SLC35F4: variants seen among roughly 807,000 people sequenced by gnomAD.
SLC35F4 encodes chromosome 14 open reading frame 36.
Under a neutral mutation model 44.2 loss-of-function variants are expected in SLC35F4, and 24 were observed. The ratio of observed to expected loss-of-function variants is 0.54; its 90% CI spans 0.39 to 0.76. The LOEUF (loss-of-function observed/expected upper bound fraction) is 0.76, where lower values mean the gene tolerates loss of function less well. Among genes scored for constraint, SLC35F4 ranks in the 30% least tolerant of loss-of-function variants. The pLI is 0.00. For synonymous variants in SLC35F4, 238 were observed against 223.6 expected (o/e 1.06, Z -0.57); for missense variants, 562 against 586.1 (o/e 0.96, Z 0.42).
At chr14:57,646,346 T>A (rs2073514006) in intron 1 of SLC35F4, among the ~76,000 whole-genome samples, 1 of 152,206 alleles carries the variant, frequency 6.6e-6, no homozygotes, top group Non-Finnish European at 1.5e-5. Context: ...CCTGGTTTAG[T>A]CTTGGGAGGG....
At chr14:57,855,090 C>T (rs191109614) in intron 1 of SLC35F4, among the ~76,000 whole-genome samples, 27 of 152,294 alleles carry the variant, frequency 1.8e-4, no homozygotes, top group Admixed American at 3.3e-4. Flanking sequence ...ATAACAGCTT[C>T]CATACATTGA....
chr14:57,824,417 A>G (rs1188775049), intron 1 of SLC35F4, among the ~76,000 whole-genome samples: 2 of 150,356 alleles, frequency 1.3e-5, no homozygotes, highest in African/African-American at 2.5e-5. Flanking sequence ...AGATAGATAG[A>G]TAGATACATA....
At chr14:57,640,130 A>G in intron 1 of SLC35F4, among the ~76,000 whole-genome samples, 1 of 151,980 alleles carries the variant, frequency 6.6e-6, no homozygotes, top group East Asian at 1.9e-4. Flanking sequence ...AGAGAGGGTT[A>G]AAGTTTCTCT....
chr14:57,777,179 C>G (rs111947194), intron 1 of SLC35F4, among the ~76,000 whole-genome samples: 4,684 of 152,224 alleles, frequency 0.031, 247 homozygotes, highest in African/African-American at 0.11. Flanking sequence ...ACTGTTGGTG[C>G]GAGTGTAAAC....
intron 1 of SLC35F4, among the ~76,000 whole-genome samples, chr14:57,600,896 AG>A (rs1202165659): frequency 6.6e-6 from 1 of 151,992 alleles, no homozygotes; most frequent in East Asian, 1.9e-4. Context: ...ATCTGGTTTA[AG>A]GGTTACCCTT....
intron 1 of SLC35F4, among the ~76,000 whole-genome samples, chr14:57,904,626 T>C (rs1299230194): frequency 1.3e-5 from 2 of 152,218 alleles, no homozygotes; most frequent in African/African-American, 4.8e-5. Context: ...TTGACACTAT[T>C]AGGATTTTCT....
intron 1 of SLC35F4, among the ~76,000 whole-genome samples, chr14:57,788,537 T>C (rs2140788357): frequency 6.6e-6 from 1 of 152,224 alleles, no homozygotes; most frequent in Middle Eastern, 3.4e-3. Flanking sequence ...TCTCAATAAA[T>C]TTAAGGAAAT....
downstream of SLC35F4, among the ~76,000 whole-genome samples, chr14:57,976,488 C>G (rs1211348588): frequency 6.6e-6 from 1 of 152,146 alleles, no homozygotes; most frequent in Non-Finnish European, 1.5e-5. Flanking sequence ...CCACACCTAG[C>G]CAAGATAATA....
chr14:57,624,278 T>C (rs1054111249), intron 1 of SLC35F4, among the ~76,000 whole-genome samples: 1 of 152,116 alleles, frequency 6.6e-6, no homozygotes, highest in African/African-American at 2.4e-5. Flanking sequence ...AGTAGACCAA[T>C]AACAAGTTCT....
intron 1 of SLC35F4, among the ~76,000 whole-genome samples, chr14:57,840,831 T>C (rs147329907): frequency 2.7e-4 from 41 of 152,336 alleles, no homozygotes; most frequent in African/African-American, 8.9e-4. Flanking sequence ...TTTTAAGCCA[T>C]GGTTATTAAT....
intron 1 of SLC35F4, among the ~76,000 whole-genome samples, chr14:57,713,889 GT>G (rs1333066979): frequency 6.6e-6 from 1 of 152,164 alleles, no homozygotes; most frequent in Non-Finnish European, 1.5e-5. Flanking sequence ...TCGAACTGCT[GT>G]TGTTGTAGCC....
chr14:57,671,603 C>A (rs1594762369), intron 1 of SLC35F4, among the ~76,000 whole-genome samples: 1 of 151,868 alleles, frequency 6.6e-6, no homozygotes, highest in Non-Finnish European at 1.5e-5. Flanking sequence ...ATATCAAGGG[C>A]CTTGGGTGGG....
intron 1 of SLC35F4, among the ~76,000 whole-genome samples, chr14:57,714,239 T>G (rs2075881093): frequency 6.6e-6 from 1 of 152,146 alleles, no homozygotes; most frequent in South Asian, 2.1e-4. Flanking sequence ...ATTGGTTAAG[T>G]CATAGACCTG....
chr14:57,841,970 T>C (rs1409549689), intron 1 of SLC35F4, among the ~76,000 whole-genome samples: 1 of 152,212 alleles, frequency 6.6e-6, no homozygotes, highest in African/African-American at 2.4e-5. Context: ...CATCAGATGT[T>C]TGCAGTATAA....
chr14:57,767,574 T>C (rs1347751906), intron 1 of SLC35F4, among the ~76,000 whole-genome samples: 2 of 151,936 alleles, frequency 1.3e-5, no homozygotes, highest in East Asian at 3.9e-4. Context: ...TGTACTAAAA[T>C]GCTTATATTA....
intron 1 of SLC35F4, among the ~76,000 whole-genome samples, chr14:57,717,760 G>A (rs936762842): frequency 6.6e-6 from 1 of 152,016 alleles, no homozygotes; most frequent in Admixed American, 6.5e-5. Flanking sequence ...TATTTATGGA[G>A]TACACGAGAT....
At chr14:57,802,551 T>C (rs2078216070) in intron 1 of SLC35F4, among the ~76,000 whole-genome samples, 1 of 144,928 alleles carries the variant, frequency 6.9e-6, no homozygotes. Flanking sequence ...TTGAAAAAAA[T>C]TAATAAAATA....
intron 1 of SLC35F4, among the ~76,000 whole-genome samples, chr14:57,958,549 G>C (rs975688548): frequency 6.7e-6 from 1 of 149,612 alleles, no homozygotes; most frequent in Non-Finnish European, 1.5e-5. Context: ...TCTTTCTAGG[G>C]GTTGAAAGTG....
chr14:57,725,144 T>C (rs2076171150), intron 1 of SLC35F4, among the ~76,000 whole-genome samples: 1 of 152,164 alleles, frequency 6.6e-6, no homozygotes, highest in Non-Finnish European at 1.5e-5. Context: ...AGCATGACCA[T>C]TCTGTGGACA....
Sources: allele counts gnomAD v4.1 joint callset (sites outside exome capture counted in the v4.1 genomes callset), GRCh38; gene constraint gnomAD v4.1.1; transcripts MANE v1.5; gene names NCBI Gene and HGNC (gene_info 2026-07-23, HGNC 2026-07-21).